Variants in FSIP1 observed in about 807,000 individuals in gnomAD.
The protein encoded by FSIP1 is fibrous sheath interacting protein 1.
Under a neutral mutation model 60.9 loss-of-function variants are expected in FSIP1, and 65 were observed. The observed-to-expected ratio is 1.07, with a 90% CI of 0.87 to 1.31. The LOEUF is 1.31. Among genes scored for constraint, FSIP1 ranks in the 40% most tolerant of loss-of-function variants. The pLI, the probability that FSIP1 is intolerant of heterozygous loss-of-function variation, is 0.00. For synonymous variants in FSIP1, 209 were observed against 221.2 expected (o/e 0.94, Z 0.49); for missense variants, 675 against 665.5 (o/e 1.01, Z -0.16).
At chr15:39,641,019 T>A (rs747830429) in intron 10 of FSIP1, among the ~76,000 whole-genome samples, 1 of 152,184 alleles carries the variant, frequency 6.6e-6, no homozygotes, top group Admixed American at 6.5e-5. Context: ...CCATATTTAG[T>A]TTGCTTTAAC....
At chr15:39,772,384 C>G (rs750317563) in intron 2 of FSIP1, among the ~76,000 whole-genome samples, 2 of 151,994 alleles carry the variant, frequency 1.3e-5, no homozygotes, top group Admixed American at 1.3e-4. Flanking sequence ...CCTCGACCTC[C>G]TGGGCTCAAG....
chr15:39,752,284 A>T (rs1314483754), intron 5 of FSIP1, among the ~76,000 whole-genome samples: 4 of 151,954 alleles, frequency 2.6e-5, no homozygotes, highest in Admixed American at 2.6e-4. Context: ...GGTAAGTTAG[A>T]GATCCAGTTT....
chr15:39,736,719 G>A (rs533328635), intron 8 of FSIP1, among the ~76,000 whole-genome samples: 8 of 152,310 alleles, frequency 5.3e-5, no homozygotes, highest in African/African-American at 1.9e-4. Context: ...CTAAGACAAG[G>A]ATTCTTGTTC....
chr15:39,758,725 T>G (rs1897383870), intron 5 of FSIP1, among the ~76,000 whole-genome samples: 1 of 152,026 alleles, frequency 6.6e-6, no homozygotes, highest in South Asian at 2.1e-4. Flanking sequence ...TAGTCATTGC[T>G]AAACTCAGAA....
At chr15:39,761,829 C>T (rs778532460) in intron 5 of FSIP1, among the ~76,000 whole-genome samples, 7 of 151,820 alleles carry the variant, frequency 4.6e-5, no homozygotes, top group Non-Finnish European at 1.0e-4. Flanking sequence ...CATTTTGTAC[C>T]CCATAAATAT....
intron 10 of FSIP1, among the ~76,000 whole-genome samples, chr15:39,651,738 T>A (rs1180810567): frequency 6.6e-6 from 1 of 152,248 alleles, no homozygotes; most frequent in Non-Finnish European, 1.5e-5. Context: ...GGAGATTACC[T>A]CACTTCGATT....
intron 10 of FSIP1, among the ~76,000 whole-genome samples, chr15:39,633,183 C>G (rs901829602): frequency 6.6e-6 from 1 of 151,200 alleles, no homozygotes; most frequent in Non-Finnish European, 1.5e-5. Context: ...CTCCCCCTCC[C>G]GGGTTCAACC....
chr15:39,678,569 A>G (rs75146473), intron 10 of FSIP1, among the ~76,000 whole-genome samples: 2,470 of 152,316 alleles, frequency 0.016, 58 homozygotes, highest in African/African-American at 0.056. Context: ...CCTTACAAAA[A>G]TATTCTAAAA....
At chr15:39,736,449 T>A (rs1208207385) in intron 8 of FSIP1, among the ~76,000 whole-genome samples, 3 of 152,226 alleles carry the variant, frequency 2.0e-5, no homozygotes, top group Non-Finnish European at 4.4e-5. Context: ...AGAACTTTTT[T>A]AAATAGGAGC....
intron 5 of FSIP1, among the ~76,000 whole-genome samples, chr15:39,751,302 C>T (rs1418074415): frequency 7.9e-5 from 12 of 151,852 alleles, no homozygotes; most frequent in Admixed American, 7.2e-4. Flanking sequence ...AAATCACCAC[C>T]TCATAAAGAC....
At chr15:39,698,942 G>T (rs1894940223) in intron 10 of FSIP1, among the ~76,000 whole-genome samples, 1 of 152,200 alleles carries the variant, frequency 6.6e-6, no homozygotes, top group Admixed American at 6.5e-5. Context: ...AAATTGGTCA[G>T]AGGTAAACAG....
intron 9 of FSIP1, among the ~76,000 whole-genome samples, 161 bp from the exon 10 acceptor site, chr15:39,713,742 G>A (rs1895623702): frequency 6.6e-6 from 1 of 152,116 alleles, no homozygotes; most frequent in Non-Finnish European, 1.5e-5. Flanking sequence ...TCCCATTTTA[G>A]GAGGTAAATG....
At chr15:39,642,406 A>G (rs1892408049) in intron 10 of FSIP1, among the ~76,000 whole-genome samples, 1 of 152,190 alleles carries the variant, frequency 6.6e-6, no homozygotes, top group Non-Finnish European at 1.5e-5. Context: ...GGGCTGACAT[A>G]CATGAGTGGC....
chr15:39,729,622 T>C (rs1344554279), intron 8 of FSIP1, among the ~76,000 whole-genome samples: 2 of 152,020 alleles, frequency 1.3e-5, no homozygotes, highest in Non-Finnish European at 1.5e-5. Flanking sequence ...ATCGCAGCAC[T>C]AGTCACAAAA....
At chr15:39,640,268 C>T (rs1892308049) in intron 10 of FSIP1, among the ~76,000 whole-genome samples, 1 of 152,302 alleles carries the variant, frequency 6.6e-6, no homozygotes, top group Admixed American at 6.5e-5. Context: ...TTCATGACAC[C>T]TTGAAAATTC....
At chr15:39,646,415 T>C (rs1375605333) in intron 10 of FSIP1, among the ~76,000 whole-genome samples, 2 of 147,158 alleles carry the variant, frequency 1.4e-5, no homozygotes, top group Non-Finnish European at 3.0e-5. Flanking sequence ...CTAACACTAC[T>C]GGTTTGGGCC....
chr15:39,762,897 C>A (rs1897551434), intron 5 of FSIP1, among the ~76,000 whole-genome samples: 1 of 152,122 alleles, frequency 6.6e-6, no homozygotes, highest in Non-Finnish European at 1.5e-5. Flanking sequence ...CCACACACAT[C>A]TATTATTGAC....
chr15:39,683,549 C>T (rs1165148179), intron 10 of FSIP1, among the ~76,000 whole-genome samples: 2 of 152,078 alleles, frequency 1.3e-5, no homozygotes, highest in Admixed American at 6.6e-5. Context: ...ACCTACTTGA[C>T]ATTGTACTAG....
At chr15:39,709,666 T>C (rs1240568695) in intron 10 of FSIP1, among the ~76,000 whole-genome samples, 1 of 147,632 alleles carries the variant, frequency 6.8e-6, no homozygotes, top group Non-Finnish European at 1.5e-5. Context: ...GGGGGAGGGG[T>C]GGGGGAGGGG....
Sources: allele counts gnomAD v4.1 joint callset (sites outside exome capture counted in the v4.1 genomes callset), GRCh38; gene constraint gnomAD v4.1.1; transcripts MANE v1.5; gene names NCBI Gene and HGNC (gene_info 2026-07-23, HGNC 2026-07-21).